The following PCDH11X variants were observed in gnomAD, a reference collection of about 807,000 sequenced individuals.
PCDH11X encodes the protein protocadherin 11 X-linked.
Under a neutral mutation model 53.3 loss-of-function variants are expected in PCDH11X, and 18 were observed. The observed-to-expected ratio is 0.34, with a 90% confidence interval of 0.23 to 0.50. The LOEUF is 0.50. Ranked by LOEUF, PCDH11X falls within the 20% of genes least tolerant of loss-of-function variation. The pLI is 0.98. For synonymous variants in PCDH11X, 279 were observed against 393.3 expected (o/e 0.71, Z 3.44); for missense variants, 570 against 1,032.4 (o/e 0.55, Z 6.14).
chrX:92,189,327 G>T (rs1453731931), intron 6 of PCDH11X, among the ~76,000 whole-genome samples: 4 of 111,595 alleles, frequency 3.6e-5, no homozygotes, highest in African/African-American at 1.3e-4. Context: ...TTCTGTTCCT[G>T]CATAAGTTTG....
intron 10 of PCDH11X, among the ~76,000 whole-genome samples, chrX:92,564,951 A>G (rs1017162878): frequency 1.8e-5 from 2 of 111,121 alleles, no homozygotes; most frequent in African/African-American, 6.5e-5. Flanking sequence ...TGATAAAATA[A>G]GAACAGAAGA....
At chrX:92,252,374 T>G (rs867690084) in intron 7 of PCDH11X, among the ~76,000 whole-genome samples, 1 of 104,592 alleles carries the variant, frequency 9.6e-6, no homozygotes, top group Non-Finnish European at 2.0e-5. Context: ...TTTGTCATGT[T>G]ACACACACAC....
At chrX:91,880,300 T>C (rs1222303056) in intron 6 of PCDH11X, among the ~76,000 whole-genome samples, 2 of 111,848 alleles carry the variant, frequency 1.8e-5, no homozygotes, top group African/African-American at 6.5e-5. Flanking sequence ...TTTATTATTT[T>C]GTCTGTGTTA....
intron 7 of PCDH11X, among the ~76,000 whole-genome samples, chrX:92,243,972 G>T (rs1161357828): frequency 9.0e-6 from 1 of 111,070 alleles, no homozygotes; most frequent in African/African-American, 3.3e-5. Context: ...TATATCCAAA[G>T]AAATTATTCT....
chrX:92,073,615 A>G (rs1368673483), intron 6 of PCDH11X, among the ~76,000 whole-genome samples: 2 of 112,450 alleles, frequency 1.8e-5, no homozygotes, highest in Non-Finnish European at 3.7e-5. Context: ...GCTGGAGGCA[A>G]TGGAAGAGCA....
chrX:92,007,223 G>A (rs187270600), intron 6 of PCDH11X, among the ~76,000 whole-genome samples: 240 of 111,924 alleles, frequency 2.1e-3, no homozygotes, highest in African/African-American at 7.2e-3. Context: ...CCCTATGTGC[G>A]TCCAGAAGAA....
At chrX:92,295,731 A>G (rs1001809178) in intron 8 of PCDH11X, among the ~76,000 whole-genome samples, 4 of 64,780 alleles carry the variant, frequency 6.2e-5, no homozygotes, top group South Asian at 7.7e-4. Flanking sequence ...GGATTTTGAC[A>G]GGTGTGTTTG....
chrX:92,116,494 T>G (rs1219574716), intron 6 of PCDH11X, among the ~76,000 whole-genome samples: 1 of 112,563 alleles, frequency 8.9e-6, no homozygotes, highest in Non-Finnish European at 1.9e-5. Context: ...TAGACAGATG[T>G]AGAAAGCTCC....
intron 9 of PCDH11X, among the ~76,000 whole-genome samples, chrX:92,467,226 G>T (rs752573281): frequency 9.0e-6 from 1 of 111,236 alleles, no homozygotes; most frequent in African/African-American, 3.2e-5. Context: ...TGTGCTGTTT[G>T]TCAGTGACAC....
chrX:91,793,301 T>C (rs1305843436), intron 1 of PCDH11X, among the ~76,000 whole-genome samples: 4 of 108,034 alleles, frequency 3.7e-5, no homozygotes, highest in African/African-American at 1.0e-4. Context: ...TATCAGCTAA[T>C]ATATGCACCA....
intron 6 of PCDH11X, among the ~76,000 whole-genome samples, chrX:92,104,254 G>C (rs2064326971): frequency 9.1e-6 from 1 of 109,807 alleles, no homozygotes; most frequent in African/African-American, 3.4e-5. Flanking sequence ...TGGAGGCTGA[G>C]GAAGAATTGG....
chrX:92,353,231 T>A (rs1216998866), intron 8 of PCDH11X, among the ~76,000 whole-genome samples: 1 of 112,140 alleles, frequency 8.9e-6, no homozygotes, highest in African/African-American at 3.2e-5. Context: ...CATCTTCCTC[T>A]AGGATTTTTA....
chrX:91,821,148 C>T (rs866906532), intron 4 of PCDH11X, among the ~76,000 whole-genome samples: 94 of 106,898 alleles, frequency 8.8e-4, no homozygotes, highest in East Asian at 7.1e-3. Context: ...ATTGACTTGG[C>T]GATGCGGGCT....
intron 6 of PCDH11X, among the ~76,000 whole-genome samples, chrX:92,146,100 G>A (rs760177480): frequency 2.1e-3 from 228 of 110,508 alleles, no homozygotes; most frequent in African/African-American, 7.4e-3. Flanking sequence ...GAACTGCCAT[G>A]AGTAATATTT....
At chrX:92,516,004 T>C (rs1388769133) in intron 10 of PCDH11X, among the ~76,000 whole-genome samples, 3 of 112,114 alleles carry the variant, frequency 2.7e-5, no homozygotes, top group Non-Finnish European at 5.6e-5. Context: ...CGTGTTCAAA[T>C]AAAGAGGAAA....
intron 6 of PCDH11X, among the ~76,000 whole-genome samples, chrX:91,942,926 C>T (rs2061528496): frequency 9.6e-6 from 1 of 104,171 alleles, no homozygotes; most frequent in African/African-American, 3.5e-5. Flanking sequence ...TTATTCAGTG[C>T]TTAAAAGAAA....
At chrX:91,967,901 G>T (rs1221066513) in intron 6 of PCDH11X, among the ~76,000 whole-genome samples, 2 of 110,982 alleles carry the variant, frequency 1.8e-5, no homozygotes, top group African/African-American at 6.5e-5. Flanking sequence ...CATTAACAAG[G>T]CTGAAAGGAA....
intron 10 of PCDH11X, among the ~76,000 whole-genome samples, chrX:92,566,219 G>C (rs1921458258): frequency 9.1e-6 from 1 of 110,141 alleles, no homozygotes; most frequent in Non-Finnish European, 1.9e-5. Context: ...ATTTATTTAA[G>C]CTCTGGTAGA....
chrX:92,020,182 G>A (rs754836153), intron 6 of PCDH11X, among the ~76,000 whole-genome samples: 2 of 112,657 alleles, frequency 1.8e-5, no homozygotes, highest in African/African-American at 3.2e-5. Flanking sequence ...CAGTCTTCCC[G>A]TGGGAGCGCA....
Sources: allele counts gnomAD v4.1 joint callset (sites outside exome capture counted in the v4.1 genomes callset), GRCh38; gene constraint gnomAD v4.1.1; transcripts MANE v1.5; gene names NCBI Gene and HGNC (gene_info 2026-07-23, HGNC 2026-07-21).